FCHSD2: variants seen among roughly 807,000 people sequenced by gnomAD.
The protein encoded by FCHSD2 is FCH and double SH3 domains 2, also known as F-BAR and double SH3 domains protein 2.
A neutral mutation model predicts 108.1 loss-of-function variants in FCHSD2; 38 were observed. That is an observed-to-expected ratio of 0.35 (90% CI 0.27 to 0.46). FCHSD2 has a LOEUF of 0.46. Ranked by LOEUF, FCHSD2 falls within the 20% of genes least tolerant of loss-of-function variation. The pLI is 1.00. For synonymous variants in FCHSD2, 279 were observed against 314.7 expected (o/e 0.89, Z 1.20); for missense variants, 751 against 897.8 (o/e 0.84, Z 2.09).
intron 3 of FCHSD2, among the ~76,000 whole-genome samples, chr11:73,069,566 G>T (rs1859384615): frequency 6.6e-6 from 1 of 152,150 alleles, no homozygotes; most frequent in South Asian, 2.1e-4. Flanking sequence ...TAGACAATTG[G>T]TGAGTTGGAA....
intron 4 of FCHSD2, among the ~76,000 whole-genome samples, chr11:73,005,902 CTTTT>C (rs56872243): frequency 6.4e-5 from 8 of 125,664 alleles, no homozygotes; most frequent in African/African-American, 1.2e-4. Flanking sequence ...TATTCCTAAA[CTTTT>C]TTTTTTTTTT....
chr11:73,032,302 C>T (rs1279171928), intron 3 of FCHSD2, among the ~76,000 whole-genome samples: 1 of 152,114 alleles, frequency 6.6e-6, no homozygotes, highest in East Asian at 1.9e-4. Context: ...AATCATTGTT[C>T]ACTGCAGCCT....
intron 9 of FCHSD2, among the ~76,000 whole-genome samples, chr11:72,905,554 C>T (rs1284994036): frequency 5.9e-5 from 9 of 152,092 alleles, no homozygotes; most frequent in Non-Finnish European, 7.4e-5. Context: ...TCATCATTTA[C>T]GTTAGGTATT....
chr11:72,930,733 A>G (rs1183234876), intron 8 of FCHSD2, among the ~76,000 whole-genome samples: 2 of 152,096 alleles, frequency 1.3e-5, no homozygotes, highest in Non-Finnish European at 2.9e-5. Flanking sequence ...ACAGGGCGAG[A>G]CTCTGTCTCA....
intron 3 of FCHSD2, among the ~76,000 whole-genome samples, chr11:73,080,781 T>C (rs1010510818): frequency 6.6e-6 from 1 of 151,890 alleles, no homozygotes; most frequent in African/African-American, 2.4e-5. Flanking sequence ...CCATCTCTAC[T>C]AAAAAGACAA....
chr11:73,115,210 A>G lies in FCHSD2; in HGVS notation c.119+24821T>C, dbSNP rs148097422. Among the ~76,000 whole-genome samples the G allele has an allele frequency of 6.6e-5, 10 of 152,290 alleles. No homozygotes were observed. In the East Asian group the frequency reaches 1.7e-3, roughly 26 times the overall value. ...TTGCTTTCCCCTTCGACAGAACAGC[A>G]CTGAGTTCAATGGAGGGTCTCAATC... On this transcript the variant is annotated intron_variant, in intron 2 of 19. Coordinates refer to ENST00000409418, the MANE Select transcript of FCHSD2 (RefSeq NM_014824.3).
At chr11:73,011,757 G>C (rs1027799142) in intron 4 of FCHSD2, among the ~76,000 whole-genome samples, 1 of 152,162 alleles carries the variant, frequency 6.6e-6, no homozygotes, top group Non-Finnish European at 1.5e-5. Flanking sequence ...TGGACCAATG[G>C]GGGTCTCTCT....
intron 2 of FCHSD2, among the ~76,000 whole-genome samples, chr11:73,124,025 G>C (rs1195984810): frequency 6.6e-6 from 1 of 152,186 alleles, no homozygotes. Flanking sequence ...GTCCATCAAT[G>C]ATAGACTGGA....
intron 8 of FCHSD2, 168 bp downstream of exon 8, chr11:72,983,920 A>G: frequency 1.4e-6 from 1 of 706,870 alleles, no homozygotes; most frequent in Non-Finnish European, 2.5e-6. Context: ...AATTAATTCC[A>G]AATTATCTGA....
chr11:73,066,660 A>G (rs1465031106), intron 3 of FCHSD2, among the ~76,000 whole-genome samples: 1 of 152,150 alleles, frequency 6.6e-6, no homozygotes. Flanking sequence ...AAAAACCATC[A>G]AAAAGTAGGC....
At chr11:72,876,122 T>C (rs1348317497) in intron 12 of FCHSD2, among the ~76,000 whole-genome samples, 2 of 152,046 alleles carry the variant, frequency 1.3e-5, no homozygotes, top group Non-Finnish European at 2.9e-5. Flanking sequence ...AATTCGAGGT[T>C]TGAGGCAGCC....
At chr11:73,141,020 G>A (rs2135582502) in intron 1 of FCHSD2, among the ~76,000 whole-genome samples, 1 of 152,326 alleles carries the variant, frequency 6.6e-6, no homozygotes, top group Non-Finnish European at 1.5e-5. Flanking sequence ...GCCCACGAGG[G>A]GAGGACAGAA....
intron 2 of FCHSD2, 85 bp downstream of exon 2, chr11:73,139,946 C>T (rs976722574): frequency 5.2e-5 from 36 of 689,518 alleles, no homozygotes; most frequent in Admixed American, 7.2e-5. Flanking sequence ...AAGGAAATTC[C>T]ATCATCAGTT....
intron 13 of FCHSD2, among the ~76,000 whole-genome samples, chr11:72,855,784 AAAT>A (rs1286194670): frequency 6.6e-6 from 1 of 152,198 alleles, no homozygotes; most frequent in Non-Finnish European, 1.5e-5. Flanking sequence ...TAGTGAATAT[AAAT>A]AATATTTATA....
chr11:72,899,414 G>A (rs940425580), intron 10 of FCHSD2, among the ~76,000 whole-genome samples: 1 of 152,002 alleles, frequency 6.6e-6, no homozygotes, highest in African/African-American at 2.4e-5. Flanking sequence ...AGTCATTAGG[G>A]AAATGCAAAC....
Position 72,889,952 on chromosome 11 carries a change from T to A in FCHSD2, c.925-7A>T. 6.5e-7 allele frequency: 1 copy of A among 1,545,532 alleles called. No individual in the cohort carries two copies. The highest frequency in any genetic ancestry group is 8.9e-7 in the Non-Finnish European group (1 of 1,117,894). On this transcript the variant is annotated splice_region_variant and splice_polypyrimidine_tract_variant and intron_variant, in intron 10 of 19. Transcript: ENST00000409418. ...CTGATTCTAACTGTCGGCTCTACAATACAAGAGAGAACAGAGATAAAAATA... is the reference window on the plus strand; with the variant it reads ...CTGATTCTAACTGTCGGCTCTACAAAACAAGAGAGAACAGAGATAAAAATA...
chr11:72,923,150 A>G (rs1856007176), intron 8 of FCHSD2, among the ~76,000 whole-genome samples: 1 of 151,740 alleles, frequency 6.6e-6, no homozygotes, highest in Non-Finnish European at 1.5e-5. Context: ...ATTCAGTTGT[A>G]CCACATTTTG....
intron 2 of FCHSD2, among the ~76,000 whole-genome samples, chr11:73,101,912 C>T (rs558975973): frequency 1.3e-5 from 2 of 152,202 alleles, no homozygotes; most frequent in African/African-American, 4.8e-5. Flanking sequence ...TGTATGAAAA[C>T]AGATTTGCTT....
chr11:72,862,036 T>A (rs530130353), intron 13 of FCHSD2, among the ~76,000 whole-genome samples: 1 of 152,226 alleles, frequency 6.6e-6, no homozygotes, highest in South Asian at 2.1e-4. Context: ...TTACACCATA[T>A]TAGCAGACTA....
Sources: allele counts gnomAD v4.1 joint callset (sites outside exome capture counted in the v4.1 genomes callset), GRCh38; gene constraint gnomAD v4.1.1; transcripts MANE v1.5; gene names NCBI Gene and HGNC (gene_info 2026-07-23, HGNC 2026-07-21).